Variants in ADAMTSL3 observed in about 807,000 individuals in gnomAD.
ADAMTSL3 encodes the protein ADAMTS like 3, also known as ADAMTS-like protein 3.
A neutral mutation model predicts 201.7 loss-of-function variants in ADAMTSL3; 128 were observed. That is an observed-to-expected ratio of 0.63 (90% confidence interval 0.55 to 0.73). The LOEUF is 0.73. Ranked by LOEUF, ADAMTSL3 falls within the 30% of genes least tolerant of loss-of-function variation. The pLI, the probability that ADAMTSL3 is intolerant of heterozygous loss-of-function variation, is 0.00. For missense variants in ADAMTSL3, 1,990 were observed against 2,119.6 expected (o/e 0.94, Z 1.20); for synonymous variants, 738 against 748.4 (o/e 0.99, Z 0.23).
intron 22 of ADAMTSL3, among the ~76,000 whole-genome samples, chr15:83,990,066 A>G (rs1210620673): frequency 6.6e-6 from 1 of 152,234 alleles, no homozygotes; most frequent in Non-Finnish European, 1.5e-5. Context: ...AGTTTATTTA[A>G]GTAGGGTCAG....
intron 4 of ADAMTSL3, among the ~76,000 whole-genome samples, chr15:83,776,118 G>A (rs1342681103): frequency 6.6e-6 from 1 of 152,194 alleles, no homozygotes; most frequent in Non-Finnish European, 1.5e-5. Context: ...AACTGTTGGT[G>A]ACACATATTG....
At chr15:83,739,702 T>G (rs1414301108) in intron 3 of ADAMTSL3, 1 of 331,214 alleles carries the variant, frequency 3.0e-6, no homozygotes, top group South Asian at 2.9e-5. Flanking sequence ...TCCCCTGCAC[T>G]TCTTGGTAGT....
At chr15:83,998,152 A>G (rs1183078295) in intron 23 of ADAMTSL3, among the ~76,000 whole-genome samples, 1 of 152,180 alleles carries the variant, frequency 6.6e-6, no homozygotes, top group Non-Finnish European at 1.5e-5. Context: ...CTTGAAAACT[A>G]TAGTTGTAGT....
intron 3 of ADAMTSL3, among the ~76,000 whole-genome samples, chr15:83,773,191 C>T (rs932295367): frequency 6.6e-6 from 1 of 151,910 alleles, no homozygotes; most frequent in Non-Finnish European, 1.5e-5. Flanking sequence ...GCGGGCAGAT[C>T]ACCTGAGGTT....
At chr15:83,663,378 A>G (rs552524438) in intron 2 of ADAMTSL3, among the ~76,000 whole-genome samples, 108 of 152,350 alleles carry the variant, frequency 7.1e-4, no homozygotes, top group African/African-American at 2.5e-3. Flanking sequence ...TGGTTATACC[A>G]TAATGGCATA....
At chr15:83,782,523 G>C (rs1002803310) in intron 4 of ADAMTSL3, among the ~76,000 whole-genome samples, 34 of 152,174 alleles carry the variant, frequency 2.2e-4, no homozygotes, top group African/African-American at 6.7e-4. Flanking sequence ...TGGTACATAT[G>C]CCCTGGAATA....
chr15:83,737,392 G>A (rs1035847786), intron 3 of ADAMTSL3, among the ~76,000 whole-genome samples: 2 of 152,104 alleles, frequency 1.3e-5, no homozygotes, highest in African/African-American at 2.4e-5. Flanking sequence ...TGATTGGATC[G>A]GGGGCAGTTT....
intron 3 of ADAMTSL3, among the ~76,000 whole-genome samples, chr15:83,708,768 C>A (rs564463260): frequency 6.6e-6 from 1 of 152,304 alleles, no homozygotes; most frequent in Admixed American, 6.5e-5. Flanking sequence ...TTAATTGGAT[C>A]ATTCTGATTA....
At chr15:84,010,383 T>G (rs1041034497) in intron 23 of ADAMTSL3, among the ~76,000 whole-genome samples, 1 of 152,240 alleles carries the variant, frequency 6.6e-6, no homozygotes, top group African/African-American at 2.4e-5. Flanking sequence ...TTATTATCTT[T>G]GCTGCTTGGA....
chr15:83,965,754 T>A (rs1477437306), intron 19 of ADAMTSL3, among the ~76,000 whole-genome samples: 2 of 152,160 alleles, frequency 1.3e-5, no homozygotes, highest in Non-Finnish European at 2.9e-5. Flanking sequence ...CATATCACAC[T>A]TATTCTGAAA....
chr15:83,994,028 C>T (rs995729336), intron 23 of ADAMTSL3, among the ~76,000 whole-genome samples: 5 of 152,202 alleles, frequency 3.3e-5, no homozygotes, highest in East Asian at 1.9e-4. Flanking sequence ...TTGTGTGTCA[C>T]GCTCCTCTTT....
At chr15:83,833,847 G>A (rs941886431) in intron 6 of ADAMTSL3, among the ~76,000 whole-genome samples, 1 of 152,188 alleles carries the variant, frequency 6.6e-6, no homozygotes, top group Non-Finnish European at 1.5e-5. Context: ...TGCTCATTGT[G>A]AAGGGAGCAA....
At chr15:83,831,643 C>G (rs1159387279) in intron 6 of ADAMTSL3, among the ~76,000 whole-genome samples, 1 of 152,192 alleles carries the variant, frequency 6.6e-6, no homozygotes, top group Non-Finnish European at 1.5e-5. Flanking sequence ...ATTCTCCCAT[C>G]TCAACCTCTT....
intron 2 of ADAMTSL3, among the ~76,000 whole-genome samples, chr15:83,671,825 C>T (rs1316949727): frequency 6.6e-6 from 1 of 152,154 alleles, no homozygotes; most frequent in Non-Finnish European, 1.5e-5. Context: ...CAAATGCTTG[C>T]CTAGCTGTTT....
At chr15:83,792,973 A>G (rs1400538116) in intron 4 of ADAMTSL3, among the ~76,000 whole-genome samples, 2 of 152,214 alleles carry the variant, frequency 1.3e-5, no homozygotes, top group African/African-American at 2.4e-5. Context: ...AGAAAATGGT[A>G]TATATACACA....
chr15:83,717,539 T>G (rs2062036630), intron 3 of ADAMTSL3: 1 of 152,190 alleles, frequency 6.6e-6, no homozygotes, highest in South Asian at 2.1e-4. Flanking sequence ...GACCAGTTAG[T>G]TGTAAGGGAA....
intron 27 of ADAMTSL3, 21 bp downstream of exon 27, chr15:84,025,457 T>C (rs769651875): frequency 1.6e-5 from 25 of 1,608,866 alleles, no homozygotes; most frequent in Non-Finnish European, 1.9e-5. Context: ...CACATCTAGT[T>C]TGTGGACAGC....
intron 5 of ADAMTSL3, among the ~76,000 whole-genome samples, chr15:83,817,290 A>G (rs1030737413): frequency 6.6e-6 from 1 of 152,244 alleles, no homozygotes; most frequent in African/African-American, 2.4e-5. Context: ...CTTGGCTGAT[A>G]ATTTATCAAT....
intron 2 of ADAMTSL3, among the ~76,000 whole-genome samples, chr15:83,674,024 C>G: frequency 6.7e-6 from 1 of 148,410 alleles, no homozygotes; most frequent in Admixed American, 6.7e-5. Flanking sequence ...CTTTTACCCT[C>G]TTATAGGTTT....
Sources: allele counts gnomAD v4.1 joint callset (sites outside exome capture counted in the v4.1 genomes callset), GRCh38; gene constraint gnomAD v4.1.1; transcripts MANE v1.5; gene names NCBI Gene and HGNC (gene_info 2026-07-23, HGNC 2026-07-21).